Variants in EPB41 observed in about 807,000 individuals in gnomAD.
EPB41 encodes the protein protein 4.1.
In EPB41, 65 loss-of-function variants were observed where a neutral mutation model predicts 108.0. The observed-to-expected ratio is 0.60, with a 90% CI of 0.49 to 0.74. EPB41 has a LOEUF of 0.74. Ranked by LOEUF, EPB41 falls within the 30% of genes least tolerant of loss-of-function variation. The probability of loss-of-function intolerance (pLI) is 0.00; values close to 1 mark genes in which losing one functional copy is unlikely to be tolerated. For missense variants in EPB41, 875 were observed against 1,037.0 expected (o/e 0.84, Z 2.15); for synonymous variants, 336 against 358.9 (o/e 0.94, Z 0.72).
chr1:28,965,339 A>C (rs569533346), intron 1 of EPB41, among the ~76,000 whole-genome samples: 1 of 152,148 alleles, frequency 6.6e-6, no homozygotes, highest in Non-Finnish European at 1.5e-5. Context: ...TAATGTTTTC[A>C]TAGAACCTAG....
intron 1 of EPB41, among the ~76,000 whole-genome samples, chr1:28,908,401 C>CA (rs778150887): frequency 1.4e-3 from 150 of 108,870 alleles, no homozygotes; most frequent in South Asian, 3.6e-3. Flanking sequence ...GACTCCGTCT[C>CA]AAAAAAAAAA....
At chr1:29,019,057 A>G (rs1395111236) in intron 7 of EPB41, among the ~76,000 whole-genome samples, 1 of 152,120 alleles carries the variant, frequency 6.6e-6, no homozygotes, top group Admixed American at 6.6e-5. Context: ...TCTGAGCCTC[A>G]GGTTTCTTAT....
At chr1:28,996,359 T>C (rs2096176119) in intron 3 of EPB41, among the ~76,000 whole-genome samples, 1 of 152,250 alleles carries the variant, frequency 6.6e-6, no homozygotes. Context: ...AGGTAGTGTC[T>C]GTTGGCTATC....
At chr1:28,959,245 TCTCG>T (rs1418605783) in intron 1 of EPB41, among the ~76,000 whole-genome samples, 2 of 130,418 alleles carry the variant, frequency 1.5e-5, no homozygotes, top group African/African-American at 6.1e-5. Flanking sequence ...TGAGACGGAG[TCTCG>T]CTCTGTTGCC....
chr1:29,048,588 C>T (rs749805788), intron 11 of EPB41, among the ~76,000 whole-genome samples: 16 of 152,162 alleles, frequency 1.1e-4, no homozygotes, highest in Non-Finnish European at 1.8e-4. Flanking sequence ...TTCATTATTT[C>T]TTACAACTTA....
At chr1:28,979,327 A>G (rs1474650350) in intron 1 of EPB41, among the ~76,000 whole-genome samples, 2 of 151,572 alleles carry the variant, frequency 1.3e-5, no homozygotes, top group East Asian at 1.9e-4. Context: ...ACCACTCTCC[A>G]AATACAAGTG....
At position 28,887,769 on chromosome 1, in the gene EPB41, T is replaced by C; in HGVS notation, c.-8+559T>C. ...GGGGCGCCGGCTGTGCCCGCCAGGGTGGCCCCCCCGGCCGTCGCGCCAGCC... is the reference window on the plus strand; with the variant it reads ...GGGGCGCCGGCTGTGCCCGCCAGGGCGGCCCCCCCGGCCGTCGCGCCAGCC... On this transcript the variant is annotated intron_variant, in intron 1 of 16. Transcript: ENST00000347529. The surrounding 1 kb of genome is among the most constrained non-coding windows in gnomAD (Gnocchi z 4.9). 1 of 854,476 alleles carries C rather than the reference T, an allele frequency of 1.2e-6. No homozygotes were observed. The highest frequency in any genetic ancestry group is 1.4e-6 in the Non-Finnish European group (1 of 710,216). The allele number at this position is 854,476 out of a possible 1,614,324, so 52.9% of individuals were successfully genotyped here.
intron 16 of EPB41, chr1:29,068,839 A>C: frequency 4.2e-6 from 5 of 1,193,002 alleles, no homozygotes; most frequent in Non-Finnish European, 5.3e-6. Context: ...TTGTCATGGC[A>C]CTAAGCAGAT....
intron 4 of EPB41, among the ~76,000 whole-genome samples, chr1:29,005,592 G>A (rs2096386687): frequency 1.3e-5 from 2 of 152,202 alleles, no homozygotes; most frequent in Admixed American, 6.5e-5. Context: ...ATAAAAGACA[G>A]TCTCTTTCCT....
Position 29,064,790 on chromosome 1 carries a change from G to A in EPB41, c.2008-192G>A, listed in dbSNP as rs548540363. Among the ~76,000 whole-genome samples the A allele has an allele frequency of 8.5e-5, 13 of 152,110 alleles. No homozygotes were observed. The South Asian group carries it at 2.7e-3, about 32-fold the overall frequency. ...TGATACTTCACAGCTTCTAAGAAAA[G>A]CACTTTATTTAAAGAAAAAAAAGGC... On this transcript the variant is annotated intron_variant, in intron 15 of 20. Transcript: ENST00000343067.
chr1:28,907,532 A>T (rs2147972160), intron 1 of EPB41, among the ~76,000 whole-genome samples: 1 of 152,170 alleles, frequency 6.6e-6, no homozygotes, highest in South Asian at 2.1e-4. Context: ...GGCCAGAGGG[A>T]AGAAGATTGA....
chr1:29,067,845 T>G (rs556825620), intron 16 of EPB41, among the ~76,000 whole-genome samples: 1 of 152,302 alleles, frequency 6.6e-6, no homozygotes, highest in African/African-American at 2.4e-5. Context: ...TATTGTTTCC[T>G]ACTCACTGTC....
At chr1:29,079,625 G>C (rs1655581909) in intron 16 of EPB41, among the ~76,000 whole-genome samples, 1 of 151,996 alleles carries the variant, frequency 6.6e-6, no homozygotes, top group Non-Finnish European at 1.5e-5. Context: ...TGGCCAGGCT[G>C]GTCTCAAACT....
At chr1:29,012,390 G>A (rs1484313611) in intron 5 of EPB41, among the ~76,000 whole-genome samples, 2 of 152,124 alleles carry the variant, frequency 1.3e-5, no homozygotes, top group African/African-American at 4.8e-5. Context: ...CCAAACTGCA[G>A]TATAAAGGAC....
chr1:28,937,645 G>A (rs1238173472), intron 1 of EPB41, among the ~76,000 whole-genome samples: 1 of 152,120 alleles, frequency 6.6e-6, no homozygotes, highest in Non-Finnish European at 1.5e-5. Flanking sequence ...TGCCCGCCTT[G>A]GCCTCCCAAA....
At chr1:29,069,234 A>G (rs1158545690) in intron 16 of EPB41, 5 of 1,231,538 alleles carry the variant, frequency 4.1e-6, no homozygotes, top group African/African-American at 1.6e-5. Flanking sequence ...TGAACTTCCA[A>G]ACTGATCAGA....
chr1:29,051,732 A>G (rs1282533130), intron 11 of EPB41, among the ~76,000 whole-genome samples: 2 of 152,056 alleles, frequency 1.3e-5, no homozygotes, highest in African/African-American at 4.8e-5. Context: ...CCCCATCTCT[A>G]CTAAAGATAC....
At chr1:29,059,041 G>A (rs1265429762) in intron 14 of EPB41, among the ~76,000 whole-genome samples, 189 bp downstream of exon 14, 2 of 152,048 alleles carry the variant, frequency 1.3e-5, no homozygotes, top group Non-Finnish European at 2.9e-5. Flanking sequence ...TTGGGAGGCC[G>A]AGGCAGGAGG....
At chr1:28,947,601 C>T (rs989477565) in intron 1 of EPB41, among the ~76,000 whole-genome samples, 2 of 151,874 alleles carry the variant, frequency 1.3e-5, no homozygotes, top group Non-Finnish European at 2.9e-5. Context: ...CCGAGGTGGG[C>T]GGATCACTTG....
Sources: gnomAD v4.1 joint callset for allele counts (sites outside exome capture counted in the v4.1 genomes callset) on GRCh38, gnomAD v4.1.1 for gene constraint, Gnocchi (gnomAD v3.1) non-coding constraint, MANE v1.5 for transcripts, NCBI Gene and HGNC (gene_info 2026-07-23, HGNC 2026-07-21) for gene names.